ADARB2: variants seen among roughly 807,000 people sequenced by gnomAD.
The protein encoded by ADARB2 is adenosine deaminase RNA specific B2 (inactive).
In ADARB2, 25 loss-of-function variants were observed where a neutral mutation model predicts 62.2. That is an observed-to-expected ratio of 0.40 (90% CI 0.29 to 0.56). The LOEUF is 0.56. Ranked by LOEUF, ADARB2 falls within the 20% of genes least tolerant of loss-of-function variation. ADARB2 has a pLI of 0.43. For missense variants in ADARB2, 1,071 were observed against 1,077.4 expected (o/e 0.99, Z 0.08); for synonymous variants, 572 against 500.8 (o/e 1.14, Z -1.90).
intron 3 of ADARB2, among the ~76,000 whole-genome samples, chr10:1,294,436 ACT>A (rs1438324595): frequency 1.3e-5 from 2 of 151,994 alleles, no homozygotes; most frequent in African/African-American, 4.8e-5. Flanking sequence ...ACAGCTGCAC[ACT>A]CTGAGTGTGT....
chr10:1,488,500 C>T (rs1588275519), intron 1 of ADARB2, among the ~76,000 whole-genome samples: 1 of 152,136 alleles, frequency 6.6e-6, no homozygotes, highest in East Asian at 1.9e-4. Flanking sequence ...GGCCAAATTG[C>T]CCTGGTGGGA....
intron 1 of ADARB2, among the ~76,000 whole-genome samples, chr10:1,464,074 G>A (rs569317435): frequency 6.6e-5 from 10 of 151,094 alleles, no homozygotes; most frequent in South Asian, 2.1e-4. Context: ...GGCCAGGACC[G>A]CCACACACAT....
chr10:1,688,834 A>G (rs1834632564), intron 1 of ADARB2, among the ~76,000 whole-genome samples: 1 of 152,204 alleles, frequency 6.6e-6, no homozygotes, highest in African/African-American at 2.4e-5. Context: ...TGGTTTTTCT[A>G]CTTCTGTTAC....
intron 1 of ADARB2, among the ~76,000 whole-genome samples, chr10:1,555,481 A>G (rs1832685480): frequency 6.6e-6 from 1 of 152,066 alleles, no homozygotes; most frequent in Non-Finnish European, 1.5e-5. Context: ...GTTTCAGGGA[A>G]CTCATGTCCT....
chr10:1,489,894 C>A (rs1245961268), intron 1 of ADARB2, among the ~76,000 whole-genome samples: 1 of 152,182 alleles, frequency 6.6e-6, no homozygotes, highest in Non-Finnish European at 1.5e-5. Context: ...GGTCAAAATA[C>A]TGTGGGATAT....
chr10:1,715,180 C>G (rs770980499), intron 1 of ADARB2, among the ~76,000 whole-genome samples: 2 of 152,154 alleles, frequency 1.3e-5, no homozygotes, highest in Non-Finnish European at 2.9e-5. Flanking sequence ...CAAGAAGTCT[C>G]TAAATCATTC....
At chr10:1,517,793 A>G (rs997097337) in intron 1 of ADARB2, among the ~76,000 whole-genome samples, 3 of 152,136 alleles carry the variant, frequency 2.0e-5, no homozygotes, top group Admixed American at 1.3e-4. Flanking sequence ...CGGTCGTATG[A>G]TCAGCTAGCC....
Position 1,363,476 on chromosome 10 carries a change from G to A in ADARB2, c.629C>T (p.Thr210Met). ...ATCGGCCTGGTCGGAGGTGAAGTCC[G>A]TGCCGGGGCCCGGGCCCCCGCCCAT... ...LAMGGGPGPG[T>M]DFTSDQADFP... The change falls in exon 3 of 10, where the codon ACG becomes ATG. Residue 210 changes from threonine (T) to methionine (M), a missense_variant. Thr to Met is a moderately conservative substitution (Grantham distance 81). Coordinates refer to ENST00000381312, the MANE Select transcript of ADARB2 (RefSeq NM_018702.4). The A allele has an allele frequency of 1.3e-6, 2 of 1,489,994 alleles. No homozygotes were observed. Among genetic ancestry groups the A allele is most frequent in the South Asian group, 1.4e-5 (1 of 72,974 alleles). 92.3% of individuals were successfully genotyped at this position (1,489,994 alleles called of 1,614,324 possible).
intron 1 of ADARB2, among the ~76,000 whole-genome samples, chr10:1,713,315 T>A (rs377663552): frequency 6.6e-6 from 1 of 152,198 alleles, no homozygotes; most frequent in Non-Finnish European, 1.5e-5. Flanking sequence ...CGGACCGGCA[T>A]CCAACCACCT....
intron 3 of ADARB2, among the ~76,000 whole-genome samples, chr10:1,340,684 T>C (rs61833573): frequency 0.84 from 12,813 of 15,318 alleles, 5,386 homozygotes; most frequent in East Asian, 0.93. Context: ...TGCCCCACAG[T>C]GGCAATAACC....
chr10:1,414,417 C>A (rs182919408), intron 1 of ADARB2, among the ~76,000 whole-genome samples: 1 of 152,176 alleles, frequency 6.6e-6, no homozygotes, highest in Non-Finnish European at 1.5e-5. Flanking sequence ...TAAAATCCCT[C>A]GTGGCTTGGA....
chr10:1,612,322 A>T (rs1191030017), intron 1 of ADARB2, among the ~76,000 whole-genome samples: 1 of 152,244 alleles, frequency 6.6e-6, no homozygotes, highest in Non-Finnish European at 1.5e-5. Context: ...GAAAGAGCAG[A>T]GCGGCCATGG....
At chr10:1,431,029 G>T (rs4880507) in intron 1 of ADARB2, among the ~76,000 whole-genome samples, 7,592 of 152,232 alleles carry the variant, frequency 0.05, 192 homozygotes, top group East Asian at 0.084. Context: ...AGTCAGCAAG[G>T]ATATAGAAGA....
intron 1 of ADARB2, among the ~76,000 whole-genome samples, chr10:1,386,784 A>G (rs1004939701): frequency 1.3e-5 from 2 of 151,956 alleles, no homozygotes; most frequent in African/African-American, 4.8e-5. Flanking sequence ...AAAAAATTAG[A>G]AGAACTCTAA....
chr10:1,248,960 C>A (rs977466936), intron 4 of ADARB2, among the ~76,000 whole-genome samples: 2 of 152,112 alleles, frequency 1.3e-5, no homozygotes, highest in African/African-American at 4.8e-5. Flanking sequence ...ACAAGAGAAG[C>A]CTTCGGGTTG....
chr10:1,463,278 G>A (rs373796026), intron 1 of ADARB2, among the ~76,000 whole-genome samples: 13 of 152,300 alleles, frequency 8.5e-5, no homozygotes, highest in Admixed American at 6.5e-4. Flanking sequence ...GGTGGAGGCC[G>A]CTATTCCAGC....
intron 1 of ADARB2, among the ~76,000 whole-genome samples, chr10:1,645,490 T>G (rs370870517): frequency 7.9e-5 from 12 of 152,330 alleles, no homozygotes; most frequent in African/African-American, 2.9e-4. Flanking sequence ...GCCTCTAACT[T>G]GACTTCTTGA....
chr10:1,471,913 C>T (rs1477544625), intron 1 of ADARB2, among the ~76,000 whole-genome samples: 7 of 152,190 alleles, frequency 4.6e-5, no homozygotes, highest in South Asian at 2.1e-4. Flanking sequence ...TTCCTATGAA[C>T]AGCGGTCTCT....
chr10:1,670,734 G>A (rs1834373616), intron 1 of ADARB2, among the ~76,000 whole-genome samples: 1 of 152,198 alleles, frequency 6.6e-6, no homozygotes, highest in African/African-American at 2.4e-5. Flanking sequence ...CGGAGGCCGG[G>A]CACACAGTGG....
Sources: allele counts gnomAD v4.1 joint callset (sites outside exome capture counted in the v4.1 genomes callset), GRCh38; gene constraint gnomAD v4.1.1; transcripts MANE v1.5; gene names NCBI Gene and HGNC (gene_info 2026-07-23, HGNC 2026-07-21).